The following RAD51B variants were observed in gnomAD, a reference collection of about 807,000 sequenced individuals.
The protein encoded by RAD51B is DNA repair protein RAD51 homolog 2.
RAD51B carries 38 observed loss-of-function variants against 42.2 expected under a neutral mutation model. The ratio of observed to expected loss-of-function variants is 0.90; its 90% CI spans 0.70 to 1.18. RAD51B has a LOEUF of 1.18. Among genes scored for constraint, RAD51B ranks in the 50% most tolerant of loss-of-function variants. RAD51B has a pLI of 0.00. For synonymous variants in RAD51B, 154 were observed against 145.2 expected (o/e 1.06, Z -0.43); for missense variants, 373 against 400.7 (o/e 0.93, Z 0.59).
chr14:68,422,007 C>G (rs1042808726), intron 9 of RAD51B: 5 of 1,524,808 alleles, frequency 3.3e-6, no homozygotes, highest in Non-Finnish European at 4.5e-6. Flanking sequence ...CAGTCACCAC[C>G]CTGACACATA....
At chr14:68,487,087 C>T (rs1442847102) in intron 10 of RAD51B, among the ~76,000 whole-genome samples, 4 of 152,198 alleles carry the variant, frequency 2.6e-5, no homozygotes, top group African/African-American at 9.6e-5. Flanking sequence ...GACAACAGTT[C>T]CTTGCTGTAT....
chr14:68,372,464 T>C (rs2083284234), intron 8 of RAD51B, among the ~76,000 whole-genome samples: 1 of 152,044 alleles, frequency 6.6e-6, no homozygotes, highest in Admixed American at 6.6e-5. Context: ...AGGTAACCAT[T>C]GGTAAAAGAC....
chr14:68,266,275 T>A (rs2080990093), intron 7 of RAD51B, among the ~76,000 whole-genome samples: 1 of 152,198 alleles, frequency 6.6e-6, no homozygotes, highest in African/African-American at 2.4e-5. Flanking sequence ...CCCTTAGAAA[T>A]GACCCAAAGA....
intron 4 of RAD51B, 162 bp from the exon 5 acceptor site, chr14:67,864,841 C>G (rs1350071968): frequency 4.3e-6 from 5 of 1,151,388 alleles, no homozygotes; most frequent in Non-Finnish European, 6.2e-6. Flanking sequence ...TTAATTCATT[C>G]CATACAATGG....
At chr14:68,618,387 C>T (rs930948917) in intron 10 of RAD51B, among the ~76,000 whole-genome samples, 3 of 152,162 alleles carry the variant, frequency 2.0e-5, no homozygotes, top group African/African-American at 7.2e-5. Context: ...TGCCCCTCTA[C>T]CAAAAGTTGC....
intron 9 of RAD51B, among the ~76,000 whole-genome samples, chr14:68,463,572 G>A (rs1390952452): frequency 6.6e-6 from 1 of 151,842 alleles, no homozygotes; most frequent in Non-Finnish European, 1.5e-5. Flanking sequence ...ATATGTACTA[G>A]TGTATAATAC....
intron 8 of RAD51B, among the ~76,000 whole-genome samples, chr14:68,294,544 T>C (rs561383731): frequency 6.6e-6 from 1 of 152,346 alleles, no homozygotes. Context: ...TGTTATTAAC[T>C]GTGGTGTTAG....
At chr14:68,279,198 G>A (rs180949472) in intron 7 of RAD51B, among the ~76,000 whole-genome samples, 6 of 152,320 alleles carry the variant, frequency 3.9e-5, no homozygotes, top group East Asian at 1.9e-4. Context: ...GCTAGGGAGG[G>A]CAGGAGGAGT....
intron 4 of RAD51B, among the ~76,000 whole-genome samples, chr14:67,849,717 C>A (rs1376658102): frequency 2.0e-5 from 3 of 152,132 alleles, no homozygotes; most frequent in African/African-American, 7.2e-5. Context: ...GTTTTCAGTT[C>A]CAGAAGCTCT....
intron 10 of RAD51B, among the ~76,000 whole-genome samples, chr14:68,476,479 C>T (rs934236210): frequency 4.6e-5 from 7 of 152,138 alleles, no homozygotes; most frequent in Non-Finnish European, 7.3e-5. Context: ...TGAATTTCAC[C>T]GATGAAGTGT....
At chr14:68,364,968 G>A (rs2083110534) in intron 8 of RAD51B, among the ~76,000 whole-genome samples, 1 of 152,228 alleles carries the variant, frequency 6.6e-6, no homozygotes, top group African/African-American at 2.4e-5. Flanking sequence ...GGGGCAGAGA[G>A]ACGCCCATGT....
intron 7 of RAD51B, among the ~76,000 whole-genome samples, chr14:68,094,089 C>G (rs1409210030): frequency 1.3e-5 from 2 of 152,196 alleles, no homozygotes; most frequent in African/African-American, 4.8e-5. Context: ...TCTCTGATTA[C>G]TAATGAAATT....
chr14:68,076,828 T>C (rs769204934), intron 7 of RAD51B, among the ~76,000 whole-genome samples: 1 of 152,210 alleles, frequency 6.6e-6, no homozygotes, highest in Non-Finnish European at 1.5e-5. Flanking sequence ...TTTAAGAATA[T>C]AAGAAATGAT....
intron 9 of RAD51B, among the ~76,000 whole-genome samples, chr14:68,415,086 T>G (rs1250402746): frequency 6.8e-6 from 1 of 147,406 alleles, no homozygotes; most frequent in Non-Finnish European, 1.5e-5. Flanking sequence ...CTGGCTGCAC[T>G]TAAGGCTCAT....
At chr14:68,377,471 C>T (rs956031420) in intron 8 of RAD51B, among the ~76,000 whole-genome samples, 1 of 152,136 alleles carries the variant, frequency 6.6e-6, no homozygotes, top group Admixed American at 6.5e-5. Context: ...CAGTGTTTTC[C>T]ACCCAGTGTT....
chr14:68,062,908 T>A (rs1042982775), intron 7 of RAD51B, among the ~76,000 whole-genome samples: 5 of 152,042 alleles, frequency 3.3e-5, no homozygotes, highest in South Asian at 4.2e-4. Context: ...GTATTGCTGA[T>A]TCAATTTTAT....
intron 7 of RAD51B, among the ~76,000 whole-genome samples, chr14:67,976,974 A>C (rs556927763): frequency 2.0e-5 from 3 of 152,360 alleles, no homozygotes; most frequent in African/African-American, 4.8e-5. Context: ...AATGCTCATC[A>C]TCACTGGCCA....
chr14:68,619,605 A>G (rs960773384), intron 10 of RAD51B, among the ~76,000 whole-genome samples: 1 of 152,222 alleles, frequency 6.6e-6, no homozygotes, highest in Admixed American at 6.5e-5. Context: ...GCTGAAGCAC[A>G]TTTAGAAATG....
intron 4 of RAD51B, among the ~76,000 whole-genome samples, chr14:67,864,042 GGAGA>G (rs761735329): frequency 4.6e-5 from 7 of 150,676 alleles, no homozygotes; most frequent in South Asian, 2.1e-4. Flanking sequence ...TGGCAGAACA[GGAGA>G]GAGAGAGAGA....
Sources: allele counts gnomAD v4.1 joint callset (sites outside exome capture counted in the v4.1 genomes callset), GRCh38; gene constraint gnomAD v4.1.1; transcripts MANE v1.5; gene names NCBI Gene and HGNC (gene_info 2026-07-23, HGNC 2026-07-21).